The following RHBDL2 variants were observed in gnomAD, a reference collection of about 807,000 sequenced individuals.
The protein encoded by RHBDL2 is rhomboid-related protein 2.
A neutral mutation model predicts 31.7 loss-of-function variants in RHBDL2; 26 were observed. The ratio of observed to expected loss-of-function variants is 0.82; its 90% CI spans 0.60 to 1.14. RHBDL2 has a LOEUF of 1.14. Ranked by LOEUF, RHBDL2 falls within the 50% of genes most tolerant of loss-of-function variation. RHBDL2 has a pLI of 0.00. For synonymous variants in RHBDL2, 123 were observed against 127.2 expected (o/e 0.97, Z 0.22); for missense variants, 336 against 364.4 (o/e 0.92, Z 0.63).
rs112672832 is a variant in RHBDL2 at position 38,893,135 on chromosome 1, A to G, written c.670+29T>C. 2,260 of 1,269,446 alleles carry G rather than the reference A, an allele frequency of 1.8e-3. 5 individuals carry two copies. Among genetic ancestry groups the G allele is most frequent in the Non-Finnish European group, 2.4e-3 (2,070 of 873,752 alleles). The allele number at this position is 1,269,446 out of a possible 1,614,324, so 78.6% of individuals were successfully genotyped here. On this transcript the variant is annotated intron_variant, in intron 6 of 7. Coordinates refer to ENST00000372990, the MANE Select transcript of RHBDL2 (RefSeq NM_017821.5). The stretch of plus-strand genomic sequence containing the variant: ...CTCTATATTTTATTTTCACTTGGAC[A>G]GTATGAAGTATTCACAAAACACACT...
At chr1:38,915,156 G>A in intron 3 of RHBDL2, among the ~76,000 whole-genome samples, 1 of 149,920 alleles carries the variant, frequency 6.7e-6, no homozygotes, top group Non-Finnish European at 1.5e-5. Flanking sequence ...TTTTGAGATG[G>A]AGTCTCACTC....
chr1:38,930,460 C>CAT (rs1456454450), intron 1 of RHBDL2, among the ~76,000 whole-genome samples: 2 of 152,184 alleles, frequency 1.3e-5, no homozygotes, highest in Admixed American at 6.5e-5. Context: ...TAACATATTA[C>CAT]ATATATTTGT....
intron 6 of RHBDL2, among the ~76,000 whole-genome samples, chr1:38,891,018 C>T (rs1642846594): frequency 6.6e-6 from 1 of 152,040 alleles, no homozygotes; most frequent in African/African-American, 2.4e-5. Flanking sequence ...GCTGTAATCT[C>T]ATCACTTTGG....
At chr1:38,938,022 AT>A (rs72308723) in intron 1 of RHBDL2, among the ~76,000 whole-genome samples, 28,754 of 146,698 alleles carry the variant, frequency 0.2, 4,678 homozygotes, top group African/African-American at 0.45. Flanking sequence ...CTCATTGCTA[AT>A]TTTTTTTTTT....
chr1:38,888,335 A>G (rs972412915), intron 6 of RHBDL2, among the ~76,000 whole-genome samples: 1 of 151,356 alleles, frequency 6.6e-6, no homozygotes, highest in Non-Finnish European at 1.5e-5. Context: ...CATGGAGCTG[A>G]CAAACTGTTG....
intron 4 of RHBDL2, among the ~76,000 whole-genome samples, chr1:38,908,961 AG>A (rs1203433875): frequency 1.3e-5 from 2 of 152,196 alleles, no homozygotes; most frequent in African/African-American, 4.8e-5. Flanking sequence ...GGTAGCCAGA[AG>A]GCGGATGGTT....
intron 4 of RHBDL2, among the ~76,000 whole-genome samples, chr1:38,908,200 C>T (rs1025268605): frequency 7.9e-5 from 12 of 150,990 alleles, no homozygotes; most frequent in African/African-American, 2.9e-4. Flanking sequence ...CATCATTAGC[C>T]ATTAGGGAAA....
chr1:38,918,950 C>A lies in RHBDL2; in HGVS notation c.246+17G>T. ...CCCATGCCACTTACCCCGGTGCCCA[C>A]CCCGCTCCCCATTCACCTCGGCCAG... is the stretch of plus-strand genomic sequence containing the variant. On this transcript the variant is annotated intron_variant, in intron 2 of 7. Transcript: ENST00000372990. The A allele has an allele frequency of 1.9e-6, 3 of 1,605,566 alleles. No individual in the cohort carries two copies. Among genetic ancestry groups the A allele is most frequent in the Non-Finnish European group, 2.6e-6 (3 of 1,174,146 alleles).
intron 1 of RHBDL2, among the ~76,000 whole-genome samples, chr1:38,923,613 T>A (rs965388352): frequency 2.0e-5 from 3 of 152,210 alleles, no homozygotes; most frequent in Non-Finnish European, 4.4e-5. Context: ...ATTACCAGAA[T>A]TTTTGGAAGC....
rs536192045 is a variant in RHBDL2 at position 38,895,891 on chromosome 1, A to G, written c.609+78T>C. The G allele has an allele frequency of 6.9e-6, 6 of 863,610 alleles. No homozygotes were observed. The East Asian group carries it at 1.5e-4, about 22-fold the overall frequency. 53.5% of individuals were successfully genotyped at this position (863,610 alleles called of 1,614,324 possible). On this transcript the variant is annotated intron_variant, in intron 5 of 7. Transcript: ENST00000372990. ...GTGCTCAGTAAATATTGATAAATGA[A>G]GGTTCGTTGAAACAAAGAAGAGTTA...
At chr1:38,922,134 A>G (rs1012652324) in intron 1 of RHBDL2, among the ~76,000 whole-genome samples, 4 of 152,160 alleles carry the variant, frequency 2.6e-5, no homozygotes, top group African/African-American at 4.8e-5. Flanking sequence ...AAGATAGTTG[A>G]CCCAACCGGT....
At chr1:38,915,436 C>A (rs1022551763) in intron 3 of RHBDL2, 126 bp downstream of exon 3, 2 of 920,778 alleles carry the variant, frequency 2.2e-6, no homozygotes, top group East Asian at 2.5e-5. Context: ...AATACCTACC[C>A]CTTAGGGTTG....
chr1:38,935,344 CT>C (rs1643487450), intron 1 of RHBDL2, among the ~76,000 whole-genome samples: 1 of 152,162 alleles, frequency 6.6e-6, no homozygotes, highest in Non-Finnish European at 1.5e-5. Flanking sequence ...AAATAAAGAG[CT>C]AAAGCTCTTA....
intron 4 of RHBDL2, among the ~76,000 whole-genome samples, chr1:38,906,397 G>T (rs750441493): frequency 1.3e-5 from 2 of 151,704 alleles, no homozygotes; most frequent in Non-Finnish European, 2.9e-5. Context: ...TGCACAGGCC[G>T]GGCGCAGTGG....
In RHBDL2 at chr1:38,911,435, C is replaced by T; in HGVS notation, c.396-1G>A. The T allele has an allele frequency of 6.2e-7, 1 of 1,601,480 alleles. No homozygotes were observed. The highest frequency in any genetic ancestry group is 8.6e-7 in the Non-Finnish European group (1 of 1,168,588). On this transcript the variant is annotated splice_acceptor_variant, in intron 3 of 7. Coordinates refer to ENST00000372990, the MANE Select transcript of RHBDL2 (RefSeq NM_017821.5). LOFTEE classifies it high-confidence loss of function. ...AAGATTCCCCAAGATGTGCTGAACT[C>T]TGCAAAGACAAACAATAGTTGTCAA...
chr1:38,919,231 C>G lies in RHBDL2; in HGVS notation c.-19G>C. ...CAGCCATTGTCCTGGGTCCTCCCTCCTCCCCAGAAGGACATGAATCCCAGG... is the reference window on the plus strand; with the variant it reads ...CAGCCATTGTCCTGGGTCCTCCCTCGTCCCCAGAAGGACATGAATCCCAGG... On this transcript the variant is annotated 5_prime_UTR_variant, in exon 2 of 8. Coordinates refer to ENST00000372990, the MANE Select transcript of RHBDL2 (RefSeq NM_017821.5). 6.2e-7 allele frequency: 1 copy of G among 1,614,038 alleles called. No individual in the cohort carries two copies. Among genetic ancestry groups the G allele is most frequent in the Non-Finnish European group, 8.5e-7 (1 of 1,180,010 alleles).
intron 1 of RHBDL2, among the ~76,000 whole-genome samples, chr1:38,937,848 A>G (rs1643526236): frequency 6.6e-6 from 1 of 152,162 alleles, no homozygotes. Flanking sequence ...GAACAGGCCA[A>G]CTCAAGAGAT....
chr1:38,924,961 A>T (rs986458862), intron 1 of RHBDL2, among the ~76,000 whole-genome samples: 1 of 151,594 alleles, frequency 6.6e-6, no homozygotes, highest in Admixed American at 6.6e-5. Flanking sequence ...TTGTATTTTT[A>T]GTAGAGACAG....
At chr1:38,897,733 G>T (rs947492942) in intron 4 of RHBDL2, among the ~76,000 whole-genome samples, 8 of 152,074 alleles carry the variant, frequency 5.3e-5, no homozygotes, top group South Asian at 2.1e-4. Flanking sequence ...ACACACAAAA[G>T]GATTGGATAA....
Sources: gnomAD v4.1 joint callset for allele counts (sites outside exome capture counted in the v4.1 genomes callset) on GRCh38, gnomAD v4.1.1 for gene constraint, MANE v1.5 for transcripts, NCBI Gene and HGNC (gene_info 2026-07-23, HGNC 2026-07-21) for gene names.